SLC9A9: variants seen among roughly 807,000 people sequenced by gnomAD.
SLC9A9 encodes the protein solute carrier family 9 member A9, also known as sodium/hydrogen exchanger 9.
A neutral mutation model predicts 77.8 loss-of-function variants in SLC9A9; 62 were observed. The observed-to-expected ratio is 0.80, with a 90% CI of 0.65 to 0.98. The LOEUF (loss-of-function observed/expected upper bound fraction) is 0.98, where lower values mean the gene tolerates loss of function less well. SLC9A9 is among the 50% of genes least tolerant of loss of function. SLC9A9 has a pLI of 0.00. For missense variants in SLC9A9, 775 were observed against 774.9 expected, an observed-to-expected ratio of 1.00 and a Z score of 0.00; for synonymous variants, 320 against 283.5, an observed-to-expected ratio of 1.13 and a Z score of -1.29.
At chr3:143,469,474 T>C (rs2035341070) in intron 11 of SLC9A9, among the ~76,000 whole-genome samples, 1 of 152,242 alleles carries the variant, frequency 6.6e-6, no homozygotes, top group Non-Finnish European at 1.5e-5. Context: ...CCACTTTTTA[T>C]AATATTTATT....
chr3:143,355,649 T>C (rs1272452943), intron 14 of SLC9A9, among the ~76,000 whole-genome samples: 1 of 152,216 alleles, frequency 6.6e-6, no homozygotes, highest in Non-Finnish European at 1.5e-5. Flanking sequence ...AAGCTCTCCA[T>C]AAATCAGAAG....
chr3:143,621,185 G>C (rs1170440375), intron 6 of SLC9A9, among the ~76,000 whole-genome samples: 2 of 152,172 alleles, frequency 1.3e-5, no homozygotes, highest in Non-Finnish European at 2.9e-5. Context: ...CTCCACCTCT[G>C]GGGGCAGGGC....
At chr3:143,838,321 A>G (rs2009624367) in intron 1 of SLC9A9, among the ~76,000 whole-genome samples, 1 of 152,198 alleles carries the variant, frequency 6.6e-6, no homozygotes, top group African/African-American at 2.4e-5. Flanking sequence ...CCCAGCGTCA[A>G]TGACGCACAT....
In SLC9A9 at chr3:143,466,894, C is replaced by T. The variant is rs150321038; in HGVS notation, c.1469+143G>A. Reference sequence around the variant, plus strand: ...GTTGGTACTATGTCATATTGTTTCACCTTATGAGTGAAGGTCAACTTGACT... The same window carrying T: ...GTTGGTACTATGTCATATTGTTTCATCTTATGAGTGAAGGTCAACTTGACT... On this transcript the variant is annotated intron_variant, in intron 12 of 15. Coordinates refer to ENST00000316549, the MANE Select transcript of SLC9A9 (RefSeq NM_173653.4). 5.1e-3 allele frequency: 5,227 copies of T among 1,033,650 alleles called. 17 individuals carry two copies. The highest frequency in any genetic ancestry group is 6.8e-3 in the Admixed American group (341 of 49,802). The allele number at this position is 1,033,650 out of a possible 1,614,324, so 64.0% of individuals were successfully genotyped here.
At chr3:143,741,600 T>C (rs1439569271) in intron 4 of SLC9A9, among the ~76,000 whole-genome samples, 1 of 152,126 alleles carries the variant, frequency 6.6e-6, no homozygotes, top group African/African-American at 2.4e-5. Context: ...AAGAGTACAC[T>C]ATGGAAAGAG....
At chr3:143,792,939 G>T (rs1329503057) in intron 4 of SLC9A9, among the ~76,000 whole-genome samples, 1 of 152,038 alleles carries the variant, frequency 6.6e-6, no homozygotes, top group Non-Finnish European at 1.5e-5. Context: ...ACATTTCAAT[G>T]ATTTCCCTTA....
chr3:143,290,875 A>C (rs1396173331), intron 14 of SLC9A9, among the ~76,000 whole-genome samples: 1 of 152,216 alleles, frequency 6.6e-6, no homozygotes, highest in East Asian at 1.9e-4. Flanking sequence ...CTACTTTGAG[A>C]ATCAGTAAAA....
chr3:143,596,816 C>T (rs753921424), intron 6 of SLC9A9, among the ~76,000 whole-genome samples: 7 of 152,038 alleles, frequency 4.6e-5, no homozygotes, highest in African/African-American at 9.7e-5. Context: ...GTGTGCATCA[C>T]CACACCTAGC....
chr3:143,567,023 T>C (rs988896362), intron 8 of SLC9A9, among the ~76,000 whole-genome samples: 1 of 152,164 alleles, frequency 6.6e-6, no homozygotes, highest in African/African-American at 2.4e-5. Context: ...AATATTCATT[T>C]AAAAATAATG....
At chr3:143,493,077 G>A (rs1015524762) in intron 11 of SLC9A9, among the ~76,000 whole-genome samples, 2 of 152,202 alleles carry the variant, frequency 1.3e-5, no homozygotes, top group Non-Finnish European at 2.9e-5. Flanking sequence ...CTTGAGAACA[G>A]AGACCTTGTC....
intron 14 of SLC9A9, among the ~76,000 whole-genome samples, chr3:143,321,628 A>AT (rs561582310): frequency 4.5e-4 from 68 of 152,206 alleles, no homozygotes; most frequent in African/African-American, 1.6e-3. Context: ...GTTTTAGGGT[A>AT]TTTTTTCTCA....
At chr3:143,827,023 G>A (rs2009317287) in intron 2 of SLC9A9, among the ~76,000 whole-genome samples, 3 of 152,154 alleles carry the variant, frequency 2.0e-5, no homozygotes, top group Admixed American at 2.0e-4. Context: ...GAAATTGATA[G>A]GACTCAGTTC....
chr3:143,510,092 T>C (rs2036091285), intron 9 of SLC9A9, among the ~76,000 whole-genome samples: 1 of 152,214 alleles, frequency 6.6e-6, no homozygotes, highest in Non-Finnish European at 1.5e-5. Flanking sequence ...AAAGTTGATG[T>C]TTTTCAAAAA....
At chr3:143,443,392 G>C (rs530594296) in intron 12 of SLC9A9, among the ~76,000 whole-genome samples, 2 of 151,838 alleles carry the variant, frequency 1.3e-5, no homozygotes, top group South Asian at 2.1e-4. Context: ...CTCATTTGCT[G>C]CTCCTTTAAT....
At chr3:143,571,312 C>T (rs981204843) in intron 8 of SLC9A9, among the ~76,000 whole-genome samples, 1 of 152,130 alleles carries the variant, frequency 6.6e-6, no homozygotes, top group Admixed American at 6.6e-5. Flanking sequence ...TCTATTCATG[C>T]AGAAATCATT....
In SLC9A9 at chr3:143,468,604, T is replaced by C. The variant is rs1195406613; in HGVS notation, c.1316-1414A>G. Among the ~76,000 whole-genome samples, 4 of 152,230 alleles carry C rather than the reference T, an allele frequency of 2.6e-5. No homozygotes were observed. The East Asian group carries it at 7.7e-4, about 29-fold the overall frequency. ...TAAAATTTTAGAATAATATTGGCTG[T>C]ATATACAAAAGAAACTTTCTGGGAA... On this transcript the variant is annotated intron_variant, in intron 11 of 15. Transcript: ENST00000316549.
chr3:143,499,426 C>T (rs78856723), intron 9 of SLC9A9, among the ~76,000 whole-genome samples: 1 of 151,742 alleles, frequency 6.6e-6, no homozygotes, highest in South Asian at 2.1e-4. Context: ...TTTCAAAGTT[C>T]CTTTTCTAAT....
intron 2 of SLC9A9, among the ~76,000 whole-genome samples, chr3:143,823,396 G>A (rs9838643): frequency 0.56 from 84,623 of 151,816 alleles, 26,307 homozygotes; most frequent in Non-Finnish European, 0.69. Flanking sequence ...GGGGACATTC[G>A]GGGTGAAGAT....
chr3:143,607,577 A>T (rs2108693849), intron 6 of SLC9A9, among the ~76,000 whole-genome samples: 1 of 152,202 alleles, frequency 6.6e-6, no homozygotes, highest in African/African-American at 2.4e-5. Flanking sequence ...GAGCTTGTTA[A>T]TTATGTATTC....
Sources: allele counts gnomAD v4.1 joint callset (sites outside exome capture counted in the v4.1 genomes callset), GRCh38; gene constraint gnomAD v4.1.1; transcripts MANE v1.5; gene names NCBI Gene and HGNC (gene_info 2026-07-23, HGNC 2026-07-21).